The following RBFOX1 variants were observed in gnomAD, a reference collection of about 807,000 sequenced individuals.
The protein encoded by RBFOX1 is RNA binding fox-1 homolog 1, also known as RNA binding protein fox-1 homolog 1.
Under a neutral mutation model 57.7 loss-of-function variants are expected in RBFOX1, and 8 were observed. That is an observed-to-expected ratio of 0.14 (90% CI 0.08 to 0.25). The LOEUF is 0.25. Among genes scored for constraint, RBFOX1 ranks in the 10% least tolerant of loss-of-function variants. The pLI, the probability that RBFOX1 is intolerant of heterozygous loss-of-function variation, is 1.00. For missense variants in RBFOX1, 611 were observed against 548.5 expected (o/e 1.11, Z -1.14); for synonymous variants, 326 against 222.4 (o/e 1.47, Z -4.15).
intron 4 of RBFOX1, among the ~76,000 whole-genome samples, chr16:7,075,280 A>G (rs1307289075): frequency 1.3e-5 from 2 of 152,230 alleles, no homozygotes; most frequent in Non-Finnish European, 2.9e-5. Flanking sequence ...CTTCAAATGC[A>G]AGCAGTTATT....
chr16:7,188,702 C>T (rs1342508221), intron 4 of RBFOX1, among the ~76,000 whole-genome samples: 1 of 152,208 alleles, frequency 6.6e-6, no homozygotes, highest in Non-Finnish European at 1.5e-5. Context: ...TATTCTGCTG[C>T]AGTCTTCATT....
intron 3 of RBFOX1, among the ~76,000 whole-genome samples, chr16:6,772,281 A>G (rs1160939437): frequency 6.6e-6 from 1 of 152,176 alleles, no homozygotes; most frequent in African/African-American, 2.4e-5. Context: ...GGCTATGGAT[A>G]TACAGTGCCT....
At chr16:6,594,747 A>C in intron 2 of RBFOX1, among the ~76,000 whole-genome samples, 1 of 152,016 alleles carries the variant, frequency 6.6e-6, no homozygotes, top group East Asian at 1.9e-4. Flanking sequence ...TGGTATGCGT[A>C]TGCCACAAAA....
intron 4 of RBFOX1, among the ~76,000 whole-genome samples, chr16:7,265,145 T>G (rs2095078159): frequency 6.6e-6 from 1 of 152,194 alleles, no homozygotes; most frequent in Non-Finnish European, 1.5e-5. Context: ...GCACTAAGGG[T>G]GCAGTGGTTA....
chr16:7,630,088 TTGAG>T (rs1440732301), intron 10 of RBFOX1, among the ~76,000 whole-genome samples: 2 of 152,118 alleles, frequency 1.3e-5, no homozygotes, highest in Non-Finnish European at 2.9e-5. Flanking sequence ...TTACTATTGA[TTGAG>T]TGATTATTAC....
Position 6,767,947 on chromosome 16 carries a change from T to TA in RBFOX1, c.-16+113299dup, listed in dbSNP as rs1410744665. ...ATAATAATAATAATAATAATAATAA[T>TA]AAGAAGAAGAAGAAGAAGAAGAAGA... is the stretch of plus-strand genomic sequence containing the variant. On this transcript the variant is annotated intron_variant, in intron 3 of 15. Coordinates refer to ENST00000550418, the MANE Select transcript of RBFOX1 (RefSeq NM_018723.4). Among the ~76,000 whole-genome samples the TA allele has an allele frequency of 6.5e-3, 657 of 101,036 alleles. 20 individuals carry two copies. Among genetic ancestry groups the TA allele is most frequent in the Admixed American group, 0.053 (513 of 9,752 alleles). 66.3% of individuals were successfully genotyped at this position (101,036 alleles called of 152,430 possible). A position where few individuals can be genotyped will look rare whatever the true frequency, so the allele number is the denominator to read the frequency against.
intron 1 of RBFOX1, among the ~76,000 whole-genome samples, chr16:5,298,102 C>G (rs74365821): frequency 0.019 from 2,880 of 152,202 alleles, 80 homozygotes; most frequent in African/African-American, 0.065. Context: ...GATGTGATAA[C>G]CTGCTCTTTG....
At chr16:6,363,975 T>C (rs954264230) in intron 2 of RBFOX1, among the ~76,000 whole-genome samples, 1 of 152,216 alleles carries the variant, frequency 6.6e-6, no homozygotes, top group African/African-American at 2.4e-5. Flanking sequence ...AAGACATGAA[T>C]GTAGTTCAAA....
At position 7,050,965 on chromosome 16, in the gene RBFOX1, C is replaced by T. The variant is rs543326312; in HGVS notation, c.-15-1092C>T. ...GGTGCATCCTTAAGTAAATATTCTTCCTTTTTTGTTTTTAGAGAAAGTCAA... is the reference window on the plus strand; with the variant it reads ...GGTGCATCCTTAAGTAAATATTCTTTCTTTTTTGTTTTTAGAGAAAGTCAA... On this transcript the variant is annotated intron_variant, in intron 3 of 15. Coordinates refer to ENST00000550418, the MANE Select transcript of RBFOX1 (RefSeq NM_018723.4). Among the ~76,000 whole-genome samples the T allele has an allele frequency of 3.9e-5, 6 of 152,072 alleles. No homozygotes were observed. In the East Asian group the frequency reaches 1.2e-3, roughly 29 times the overall value.
intron 1 of RBFOX1, among the ~76,000 whole-genome samples, chr16:5,435,948 T>G (rs1402787412): frequency 2.0e-5 from 3 of 152,226 alleles, no homozygotes; most frequent in Non-Finnish European, 4.4e-5. Context: ...TTTGATTACT[T>G]CCTTAGGAAT....
intron 1 of RBFOX1, among the ~76,000 whole-genome samples, chr16:6,307,636 A>T (rs1349347528): frequency 2.7e-5 from 4 of 147,794 alleles, no homozygotes; most frequent in Non-Finnish European, 6.0e-5. Flanking sequence ...ATTTTTATAA[A>T]TGATATTTAT....
At chr16:6,899,733 C>T (rs187263358) in intron 3 of RBFOX1, among the ~76,000 whole-genome samples, 1 of 152,326 alleles carries the variant, frequency 6.6e-6, no homozygotes, top group Non-Finnish European at 1.5e-5. Flanking sequence ...ATGGTTTCAT[C>T]TTGTGCTGTC....
chr16:6,968,352 C>G (rs758985785), intron 3 of RBFOX1, among the ~76,000 whole-genome samples: 3 of 152,170 alleles, frequency 2.0e-5, no homozygotes, highest in Admixed American at 6.6e-5. Context: ...TCTTTTCCTT[C>G]TTTTTTCTTC....
chr16:6,599,094 C>T (rs2097814047), intron 2 of RBFOX1, among the ~76,000 whole-genome samples: 1 of 152,148 alleles, frequency 6.6e-6, no homozygotes, highest in African/African-American at 2.4e-5. Context: ...AAATAAATAC[C>T]AGTCAGTATG....
At chr16:5,595,664 A>T (rs991953722) in intron 2 of RBFOX1, among the ~76,000 whole-genome samples, 5 of 152,210 alleles carry the variant, frequency 3.3e-5, no homozygotes, top group African/African-American at 1.2e-4. Flanking sequence ...GCTTTCTGAA[A>T]ACCAGAACAG....
intron 3 of RBFOX1, among the ~76,000 whole-genome samples, chr16:6,886,778 CAAAACA>C (rs985203273): frequency 7.3e-5 from 10 of 136,490 alleles, no homozygotes; most frequent in East Asian, 4.2e-4. Flanking sequence ...CAAAACAAAA[CAAAACA>C]AAAAAAAAAC....
At chr16:7,608,271 A>C (rs1208868933) in intron 10 of RBFOX1, among the ~76,000 whole-genome samples, 1 of 152,172 alleles carries the variant, frequency 6.6e-6, no homozygotes, top group Non-Finnish European at 1.5e-5. Flanking sequence ...CATTTTCCTA[A>C]TACTGAACAC....
chr16:6,290,823 C>G (rs1338372337), intron 1 of RBFOX1, among the ~76,000 whole-genome samples: 2 of 152,044 alleles, frequency 1.3e-5, no homozygotes, highest in African/African-American at 4.8e-5. Flanking sequence ...GGGTCCAAAT[C>G]CAGACCCCTA....
rs186414878 is a variant in RBFOX1, at chr16:5,312,868, G to A, written c.219+72763G>A. Among the ~76,000 whole-genome samples, 584 of 152,270 alleles carry A rather than the reference G, an allele frequency of 3.8e-3. 1 individual carries two copies. The highest frequency in any genetic ancestry group is 5.7e-3 in the Non-Finnish European group (386 of 68,024). On this transcript the variant is annotated intron_variant, in intron 1 of 2. Coordinates refer to the RBFOX1 transcript ENST00000585867. ...AGATATGAGCCCAGAATAGAGAGGC[G>A]GACACTGCAGATTGCAGGATCTGAT...
Sources: allele counts gnomAD v4.1 joint callset (sites outside exome capture counted in the v4.1 genomes callset), GRCh38; gene constraint gnomAD v4.1.1; transcripts MANE v1.5; gene names NCBI Gene and HGNC (gene_info 2026-07-23, HGNC 2026-07-21).